FRMD5: variants seen among roughly 807,000 people sequenced by gnomAD.
FRMD5 encodes FERM domain containing 5.
A neutral mutation model predicts 69.0 loss-of-function variants in FRMD5; 20 were observed. That is an observed-to-expected ratio of 0.29 (90% CI 0.20 to 0.42). The LOEUF (loss-of-function observed/expected upper bound fraction) is 0.42, where lower values mean the gene tolerates loss of function less well. FRMD5 is among the 10% of genes least tolerant of loss of function. The pLI is 1.00. For missense variants in FRMD5, 595 were observed against 708.6 expected, an observed-to-expected ratio of 0.84 and a Z score of 1.82; for synonymous variants, 271 against 260.1, an observed-to-expected ratio of 1.04 and a Z score of -0.40.
chr15:43,912,405 GGA>G, intron 4 of FRMD5, among the ~76,000 whole-genome samples: 1 of 152,086 alleles, frequency 6.6e-6, no homozygotes, highest in East Asian at 1.9e-4. Context: ...ACGGTGTGTG[GGA>G]GAGAGTGAGT....
At chr15:44,150,664 T>C (rs66625265) in intron 1 of FRMD5, among the ~76,000 whole-genome samples, 5,292 of 151,142 alleles carry the variant, frequency 0.035, 126 homozygotes, top group Middle Eastern at 0.075. Flanking sequence ...AGTGGTGCTA[T>C]ATGCCTGTGG....
chr15:44,172,430 A>G (rs1308872245), intron 1 of FRMD5, among the ~76,000 whole-genome samples: 1 of 152,010 alleles, frequency 6.6e-6, no homozygotes, highest in Non-Finnish European at 1.5e-5. Context: ...TTTTTATTTC[A>G]GAAAACATAC....
chr15:43,949,440 C>T (rs1224522136), intron 1 of FRMD5, among the ~76,000 whole-genome samples: 1 of 152,186 alleles, frequency 6.6e-6, no homozygotes, highest in Non-Finnish European at 1.5e-5. Context: ...CTGTGAGCTC[C>T]CTTCAGGTAG....
intron 1 of FRMD5, among the ~76,000 whole-genome samples, chr15:43,926,064 G>C (rs2089579546): frequency 6.6e-6 from 1 of 152,162 alleles, no homozygotes; most frequent in Non-Finnish European, 1.5e-5. Context: ...ATGCATGGCA[G>C]GCAGGTCCTC....
intron 1 of FRMD5, among the ~76,000 whole-genome samples, chr15:44,010,491 G>A (rs528616246): frequency 1.3e-5 from 2 of 149,968 alleles, no homozygotes; most frequent in Non-Finnish European, 2.9e-5. Flanking sequence ...TCCATCTCCT[G>A]AGTTCAAGCC....
At chr15:44,124,708 A>G (rs1231092826) in intron 1 of FRMD5, among the ~76,000 whole-genome samples, 2 of 152,126 alleles carry the variant, frequency 1.3e-5, no homozygotes, top group Admixed American at 6.5e-5. Flanking sequence ...CAAAAAAACA[A>G]TAATAATAAT....
At chr15:43,951,129 C>T (rs1287493054) in intron 1 of FRMD5, among the ~76,000 whole-genome samples, 1 of 152,066 alleles carries the variant, frequency 6.6e-6, no homozygotes, top group African/African-American at 2.4e-5. Context: ...AGAAAATATA[C>T]AATAAATAGT....
At chr15:44,059,671 C>T (rs180951919) in intron 1 of FRMD5, among the ~76,000 whole-genome samples, 3 of 152,186 alleles carry the variant, frequency 2.0e-5, no homozygotes, top group African/African-American at 7.2e-5. Context: ...ACCACCACGC[C>T]CAGCTAATTT....
intron 1 of FRMD5, among the ~76,000 whole-genome samples, chr15:43,946,527 C>T (rs542540807): frequency 6.6e-6 from 1 of 152,302 alleles, no homozygotes; most frequent in East Asian, 1.9e-4. Context: ...TCCACTACAA[C>T]ACACAGCCTC....
chr15:44,040,649 A>G (rs1459456581), intron 1 of FRMD5, among the ~76,000 whole-genome samples: 4 of 152,174 alleles, frequency 2.6e-5, no homozygotes, highest in Admixed American at 2.6e-4. Flanking sequence ...CTGCCTTACA[A>G]GAGCTCCTGT....
intron 5 of FRMD5, 143 bp downstream of exon 5, chr15:43,909,739 C>T (rs2089251421): frequency 2.0e-6 from 1 of 496,868 alleles, no homozygotes; most frequent in Non-Finnish European, 3.6e-6. Flanking sequence ...CTCGGCCTCC[C>T]AAAGTGCTAG....
intron 1 of FRMD5, among the ~76,000 whole-genome samples, chr15:44,031,942 A>G (rs1891701149): frequency 1.3e-5 from 2 of 152,098 alleles, no homozygotes; most frequent in African/African-American, 4.8e-5. Flanking sequence ...CAAGCAGGGT[A>G]GAAAATAATT....
chr15:44,015,645 T>C (rs187784143), intron 1 of FRMD5, among the ~76,000 whole-genome samples: 2 of 152,294 alleles, frequency 1.3e-5, no homozygotes, highest in African/African-American at 2.4e-5. Context: ...GGACCCTTAG[T>C]ACAGAAATTG....
chr15:43,934,020 G>C (rs1264415768), intron 1 of FRMD5, among the ~76,000 whole-genome samples: 1 of 152,174 alleles, frequency 6.6e-6, no homozygotes, highest in Non-Finnish European at 1.5e-5. Flanking sequence ...AGGTGCCCCA[G>C]TACCTCATCC....
intron 1 of FRMD5, among the ~76,000 whole-genome samples, chr15:44,046,554 G>A (rs1429668329): frequency 2.0e-5 from 3 of 152,168 alleles, no homozygotes; most frequent in East Asian, 3.8e-4. Context: ...TGGCTCAAGA[G>A]GCTAATATGA....
intron 1 of FRMD5, among the ~76,000 whole-genome samples, chr15:43,953,421 C>T (rs2090067541): frequency 6.6e-6 from 1 of 152,132 alleles, no homozygotes; most frequent in African/African-American, 2.4e-5. Context: ...AATTAGGAAG[C>T]AAGCATCACT....
intron 1 of FRMD5, among the ~76,000 whole-genome samples, chr15:43,998,693 G>C (rs984150903): frequency 1.3e-5 from 2 of 152,216 alleles, no homozygotes; most frequent in Non-Finnish European, 2.9e-5. Context: ...TCTAATAATG[G>C]CTGGCCAGAG....
intron 1 of FRMD5, chr15:44,194,254 C>T (rs2078244901): frequency 6.6e-6 from 1 of 152,262 alleles, no homozygotes; most frequent in South Asian, 2.1e-4. Context: ...TCCTAAGTCG[C>T]CGATTCTTCC....
chr15:43,944,955 A>ATT (rs1456244772), intron 1 of FRMD5, among the ~76,000 whole-genome samples: 1 of 138,952 alleles, frequency 7.2e-6, no homozygotes, highest in Admixed American at 7.2e-5. Context: ...TTATTTATTT[A>ATT]TTTTTTTTTT....
Sources: gnomAD v4.1 joint callset for allele counts (sites outside exome capture counted in the v4.1 genomes callset) on GRCh38, gnomAD v4.1.1 for gene constraint, MANE v1.5 for transcripts, NCBI Gene and HGNC (gene_info 2026-07-23, HGNC 2026-07-21) for gene names.